GABBR2: variants seen among roughly 807,000 people sequenced by gnomAD.
GABBR2 encodes the protein gamma-aminobutyric acid type B receptor subunit 2.
In GABBR2, 23 loss-of-function variants were observed where a neutral mutation model predicts 105.6. The ratio of observed to expected loss-of-function variants is 0.22; its 90% CI spans 0.16 to 0.31. The LOEUF (loss-of-function observed/expected upper bound fraction) is 0.31. Among genes scored for constraint, GABBR2 ranks in the 10% least tolerant of loss-of-function variants. The probability of loss-of-function intolerance (pLI) is 1.00; values close to 1 mark genes in which losing one functional copy is unlikely to be tolerated. For missense variants in GABBR2, 734 were observed against 1,245.5 expected (o/e 0.59, Z 6.18); for synonymous variants, 478 against 499.7 (o/e 0.96, Z 0.58).
chr9:98,367,644 C>T (rs1053084052), intron 12 of GABBR2, among the ~76,000 whole-genome samples: 1 of 152,120 alleles, frequency 6.6e-6, no homozygotes, highest in African/African-American at 2.4e-5. Flanking sequence ...ATGATGAAGG[C>T]TGGATGAGCA....
chr9:98,309,284 G>A (rs1028296094), intron 14 of GABBR2, among the ~76,000 whole-genome samples: 1 of 152,216 alleles, frequency 6.6e-6, no homozygotes, highest in South Asian at 2.1e-4. Flanking sequence ...AGAAGACAAT[G>A]AATGATCAAA....
chr9:98,400,553 G>T (rs1832377218), intron 8 of GABBR2, among the ~76,000 whole-genome samples: 1 of 152,140 alleles, frequency 6.6e-6, no homozygotes, highest in Non-Finnish European at 1.5e-5. Context: ...TCCCAGTTGG[G>T]TCCATAAGGG....
At chr9:98,509,447 A>C (rs1408243065) in intron 3 of GABBR2, among the ~76,000 whole-genome samples, 1 of 152,234 alleles carries the variant, frequency 6.6e-6, no homozygotes, top group Admixed American at 6.5e-5. Context: ...TGAGAGAAGA[A>C]GACTTCAGAT....
chr9:98,652,668 C>T (rs2131846932), intron 1 of GABBR2, among the ~76,000 whole-genome samples: 1 of 152,346 alleles, frequency 6.6e-6, no homozygotes, highest in African/African-American at 2.4e-5. Flanking sequence ...TAGGCTAAAG[C>T]CTTTCCCCCC....
At chr9:98,415,251 T>A (rs1230775862) in intron 7 of GABBR2, among the ~76,000 whole-genome samples, 2 of 152,204 alleles carry the variant, frequency 1.3e-5, no homozygotes, top group Non-Finnish European at 2.9e-5. Context: ...TGGGTATTAT[T>A]TTAATAACAA....
At chr9:98,594,001 T>C (rs891632197) in intron 1 of GABBR2, among the ~76,000 whole-genome samples, 1 of 152,216 alleles carries the variant, frequency 6.6e-6, no homozygotes, top group African/African-American at 2.4e-5. Context: ...GCATAAGTCC[T>C]TCCGCCTCTC....
At chr9:98,506,155 G>T (rs961457863) in intron 3 of GABBR2, among the ~76,000 whole-genome samples, 3 of 152,190 alleles carry the variant, frequency 2.0e-5, no homozygotes, top group African/African-American at 7.2e-5. Flanking sequence ...TCGTGGAAAT[G>T]TGGGTGCCTG....
chr9:98,507,510 CT>C (rs1827537251), intron 3 of GABBR2, among the ~76,000 whole-genome samples: 1 of 152,148 alleles, frequency 6.6e-6, no homozygotes, highest in African/African-American at 2.4e-5. Flanking sequence ...TCAAGAACAC[CT>C]TGATATTGAC....
intron 4 of GABBR2, among the ~76,000 whole-genome samples, chr9:98,484,119 G>C (rs905155117): frequency 1.2e-4 from 19 of 152,222 alleles, no homozygotes; most frequent in African/African-American, 4.3e-4. Flanking sequence ...TCCACTTCTT[G>C]AGTAGATCGA....
At chr9:98,608,700 C>T (rs117796127) in intron 1 of GABBR2, among the ~76,000 whole-genome samples, 294 of 152,234 alleles carry the variant, frequency 1.9e-3, no homozygotes, top group Non-Finnish European at 2.6e-3. Flanking sequence ...TTTATAACAA[C>T]TTCTTTTTGT....
rs755692994 is a variant in GABBR2, at chr9:98,453,982, G to A, written c.1235C>T (p.Thr412Met). The A allele has an allele frequency of 2.5e-6, 4 of 1,607,302 alleles. No individual in the cohort carries two copies. The highest frequency in any genetic ancestry group is 1.1e-5 in the South Asian group (1 of 90,948). Residue 412 changes from threonine (T) to methionine (M), a missense_variant and splice_region_variant, in exon 7 of 19, where the codon ACG (threonine) becomes ATG (methionine). Thr to Met is a moderately conservative substitution (Grantham distance 81, BLOSUM62 -1). Around this residue, in one of 7 missense-constraint regions of GABBR2, gnomAD observed 370 missense variants for 648.9 expected, o/e 0.57. Transcript: ENST00000259455. ...ACAGCCCAGAGGCATGGGACTGACC[G>A]TGACCCCGAAGAAGTTGGTCTCGTT... ...AMNETNFFGV[T>M]GQVVFRNGER...
chr9:98,390,425 G>A (rs1832160250), intron 9 of GABBR2, among the ~76,000 whole-genome samples: 1 of 148,106 alleles, frequency 6.8e-6, no homozygotes, highest in Non-Finnish European at 1.5e-5. Flanking sequence ...AACATTCAGT[G>A]GATTAAAAGA....
intron 13 of GABBR2, among the ~76,000 whole-genome samples, chr9:98,358,767 A>G (rs529489304): frequency 6.6e-6 from 1 of 152,336 alleles, no homozygotes; most frequent in East Asian, 1.9e-4. Flanking sequence ...CCAGGACCAC[A>G]GCCACACAGT....
chr9:98,535,602 A>T (rs375114198), intron 3 of GABBR2, among the ~76,000 whole-genome samples: 1 of 152,158 alleles, frequency 6.6e-6, no homozygotes, highest in East Asian at 1.9e-4. Context: ...ACCATTTTAT[A>T]TCAGTGACTT....
At chr9:98,506,907 A>G (rs1377796199) in intron 3 of GABBR2, among the ~76,000 whole-genome samples, 1 of 152,092 alleles carries the variant, frequency 6.6e-6, no homozygotes, top group Non-Finnish European at 1.5e-5. Context: ...TCACTGCACT[A>G]TGAAAGTCCT....
At chr9:98,323,587 G>A (rs944828417) in intron 13 of GABBR2, among the ~76,000 whole-genome samples, 6 of 152,216 alleles carry the variant, frequency 3.9e-5, no homozygotes, top group African/African-American at 9.6e-5. Context: ...CCTAAAGTGA[G>A]TAGAGCTCCC....
At chr9:98,497,591 C>CT (rs1307302747) in intron 3 of GABBR2, among the ~76,000 whole-genome samples, 1 of 152,194 alleles carries the variant, frequency 6.6e-6, no homozygotes, top group Non-Finnish European at 1.5e-5. Flanking sequence ...AGGTCCTGCT[C>CT]TATCACTGAC....
At chr9:98,585,255 C>T (rs548580347) in intron 1 of GABBR2, among the ~76,000 whole-genome samples, 35 of 151,966 alleles carry the variant, frequency 2.3e-4, no homozygotes, top group East Asian at 7.7e-4. Flanking sequence ...TGTCCAACAA[C>T]GATAGACTGG....
At chr9:98,423,213 T>C (rs1792128509) in intron 7 of GABBR2, among the ~76,000 whole-genome samples, 1 of 152,228 alleles carries the variant, frequency 6.6e-6, no homozygotes, top group Non-Finnish European at 1.5e-5. Context: ...GTTGAACTAG[T>C]TTACAGTCCC....
Sources: allele counts gnomAD v4.1 joint callset (sites outside exome capture counted in the v4.1 genomes callset), GRCh38; gene constraint gnomAD v4.1.1; regional missense constraint gnomAD v4.1.1; transcripts MANE v1.5; gene names NCBI Gene and HGNC (gene_info 2026-07-23, HGNC 2026-07-21).